The following ANKRD55 variants were observed in gnomAD, a reference collection of about 807,000 sequenced individuals.
ANKRD55 encodes ankyrin repeat domain 55.
In ANKRD55, 41 loss-of-function variants were observed where a neutral mutation model predicts 60.6. That is an observed-to-expected ratio of 0.68 (90% CI 0.53 to 0.88). ANKRD55 has a LOEUF of 0.88. Ranked by LOEUF, ANKRD55 falls within the 40% of genes least tolerant of loss-of-function variation. The pLI, the probability that ANKRD55 is intolerant of heterozygous loss-of-function variation, is 0.00. For missense variants in ANKRD55, 732 were observed against 767.6 expected, an observed-to-expected ratio of 0.95 and a Z score of 0.55; for synonymous variants, 264 against 290.3, an observed-to-expected ratio of 0.91 and a Z score of 0.92.
Position 56,122,833 on chromosome 5 carries a change from A to T in ANKRD55, c.797+4089T>A, listed in dbSNP as rs1757112278. ...CAGGCTGGAGTGCAGTGGTACAATC[A>T]CAGTTCACTGCAACCTTCACCTCCT... is the stretch of plus-strand genomic sequence containing the variant. On this transcript the variant is annotated intron_variant, in intron 8 of 11. Transcript: ENST00000341048. 2.6e-5 allele frequency among the ~76,000 whole-genome samples: 4 copies of T among 151,396 alleles called. No individual in the cohort carries two copies. The South Asian group carries it at 8.4e-4, about 32-fold the overall frequency.
At chr5:56,217,416 G>A (rs1056436271) in intron 2 of ANKRD55, among the ~76,000 whole-genome samples, 1 of 152,168 alleles carries the variant, frequency 6.6e-6, no homozygotes, top group African/African-American at 2.4e-5. Context: ...ATGGATCAAG[G>A]AGTAATTTTG....
chr5:56,206,810 A>C (rs1376122656), intron 2 of ANKRD55, among the ~76,000 whole-genome samples: 1 of 152,214 alleles, frequency 6.6e-6, no homozygotes, highest in East Asian at 1.9e-4. Flanking sequence ...TCACAGCTGC[A>C]AGGCCAGAAA....
intron 2 of ANKRD55, among the ~76,000 whole-genome samples, chr5:56,194,725 A>T (rs757575016): frequency 1.2e-4 from 18 of 152,202 alleles, no homozygotes; most frequent in Non-Finnish European, 2.2e-4. Flanking sequence ...CATGTATTTG[A>T]TAATATTTGT....
At chr5:56,174,950 C>T (rs1007381570) in intron 4 of ANKRD55, among the ~76,000 whole-genome samples, 5 of 152,156 alleles carry the variant, frequency 3.3e-5, no homozygotes, top group African/African-American at 1.2e-4. Flanking sequence ...AGGGTATACC[C>T]CTGGTACCTG....
At chr5:56,170,150 C>T (rs1423807429) in intron 5 of ANKRD55, among the ~76,000 whole-genome samples, 1 of 152,218 alleles carries the variant, frequency 6.6e-6, no homozygotes, top group African/African-American at 2.4e-5. Flanking sequence ...CTCCCAGCTC[C>T]TAGAGGCTGG....
At chr5:56,112,298 G>A (rs1022466861) in intron 9 of ANKRD55, among the ~76,000 whole-genome samples, 14 of 151,760 alleles carry the variant, frequency 9.2e-5, no homozygotes, top group East Asian at 5.8e-4. Flanking sequence ...AGTGCTGACC[G>A]ACTGACATTA....
At chr5:56,173,161 AC>A (rs1306846574) in intron 4 of ANKRD55, among the ~76,000 whole-genome samples, 1 of 152,146 alleles carries the variant, frequency 6.6e-6, no homozygotes, top group Non-Finnish European at 1.5e-5. Context: ...CATATCGAGG[AC>A]CACCTGGTCT....
At chr5:56,123,706 C>T (rs901658339) in intron 8 of ANKRD55, among the ~76,000 whole-genome samples, 6 of 152,174 alleles carry the variant, frequency 3.9e-5, no homozygotes, top group Middle Eastern at 6.8e-3. Context: ...TTACTAAGAC[C>T]GACTGTTTAA....
intron 5 of ANKRD55, among the ~76,000 whole-genome samples, chr5:56,165,164 G>T (rs1368343245): frequency 6.6e-6 from 1 of 152,178 alleles, no homozygotes; most frequent in Non-Finnish European, 1.5e-5. Flanking sequence ...GAGCACAAGG[G>T]CACTATGTGG....
At chr5:56,207,133 A>G (rs933544489) in intron 2 of ANKRD55, among the ~76,000 whole-genome samples, 1 of 152,142 alleles carries the variant, frequency 6.6e-6, no homozygotes, top group African/African-American at 2.4e-5. Context: ...GTTCCCTTCC[A>G]TGAGAATGGA....
intron 7 of ANKRD55, among the ~76,000 whole-genome samples, chr5:56,140,485 C>A (rs942083282): frequency 1.3e-5 from 2 of 152,134 alleles, no homozygotes; most frequent in African/African-American, 2.4e-5. Flanking sequence ...GCTCACACAC[C>A]ATATATACAG....
intron 2 of ANKRD55, among the ~76,000 whole-genome samples, chr5:56,227,487 A>T (rs1305603132): frequency 6.6e-6 from 1 of 152,102 alleles, no homozygotes; most frequent in Non-Finnish European, 1.5e-5. Context: ...TAAAGTATAA[A>T]AGAAAACAAA....
At position 56,170,821 on chromosome 5, in the gene ANKRD55, C is replaced by T. The variant is rs1364747468; in HGVS notation, c.313-18G>A. The T allele has an allele frequency of 1.9e-6, 3 of 1,606,574 alleles. No homozygotes were observed. Among genetic ancestry groups the T allele is most frequent in the Non-Finnish European group, 2.6e-6 (3 of 1,173,382 alleles). On this transcript the variant is annotated intron_variant, in intron 4 of 11. Transcript: ENST00000341048. ...AGCCAGCCCTGAAATACAAGAGCAACCACATCATTATATAACAGAAGCTCA... is the reference window on the plus strand; with the variant it reads ...AGCCAGCCCTGAAATACAAGAGCAATCACATCATTATATAACAGAAGCTCA...
At chr5:56,146,035 A>T (rs1185540333) in intron 6 of ANKRD55, among the ~76,000 whole-genome samples, 1 of 152,186 alleles carries the variant, frequency 6.6e-6, no homozygotes, top group South Asian at 2.1e-4. Flanking sequence ...ATTATATTTT[A>T]AAAATAATGC....
intron 10 of ANKRD55, among the ~76,000 whole-genome samples, chr5:56,110,326 G>A (rs1756644219): frequency 6.7e-6 from 1 of 149,970 alleles, no homozygotes; most frequent in Admixed American, 6.6e-5. Flanking sequence ...TTGAACCCAG[G>A]AGACAGAGGC....
intron 2 of ANKRD55, among the ~76,000 whole-genome samples, chr5:56,224,043 A>G (rs1472854031): frequency 6.6e-6 from 1 of 152,238 alleles, no homozygotes; most frequent in Non-Finnish European, 1.5e-5. Flanking sequence ...CATTCTTCTC[A>G]GCACCACACC....
chr5:56,136,734 A>G (rs1484461499), intron 7 of ANKRD55, among the ~76,000 whole-genome samples: 3 of 152,054 alleles, frequency 2.0e-5, no homozygotes, highest in Admixed American at 1.3e-4. Context: ...CAGCCTAGGC[A>G]ACATAATGAA....
chr5:56,188,515 C>T (rs576787352), intron 2 of ANKRD55, among the ~76,000 whole-genome samples: 1 of 152,130 alleles, frequency 6.6e-6, no homozygotes, highest in South Asian at 2.1e-4. Context: ...AGATAGGGGT[C>T]TAGTTTTATT....
chr5:56,130,720 G>A (rs528352882), intron 7 of ANKRD55, among the ~76,000 whole-genome samples: 1 of 152,306 alleles, frequency 6.6e-6, no homozygotes, highest in Non-Finnish European at 1.5e-5. Flanking sequence ...TGTGCTAAGG[G>A]CTGTAAATGG....
Sources: gnomAD v4.1 joint callset for allele counts (sites outside exome capture counted in the v4.1 genomes callset) on GRCh38, gnomAD v4.1.1 for gene constraint, MANE v1.5 for transcripts, NCBI Gene and HGNC (gene_info 2026-07-23, HGNC 2026-07-21) for gene names.